The following ST6GALNAC5 variants were observed in gnomAD, a reference collection of about 807,000 sequenced individuals.
ST6GALNAC5 encodes the protein ST6 N-acetylgalactosaminide alpha-2,6-sialyltransferase 5.
Under a neutral mutation model 33.6 loss-of-function variants are expected in ST6GALNAC5, and 27 were observed. The ratio of observed to expected loss-of-function variants is 0.80; its 90% CI spans 0.59 to 1.11. The LOEUF is 1.11. Among genes scored for constraint, ST6GALNAC5 ranks in the 50% least tolerant of loss-of-function variants. The pLI, the probability that ST6GALNAC5 is intolerant of heterozygous loss-of-function variation, is 0.00. For synonymous variants in ST6GALNAC5, 194 were observed against 171.2 expected (o/e 1.13, Z -1.04); for missense variants, 428 against 454.0 (o/e 0.94, Z 0.52).
At chr1:76,880,529 G>A (rs998188624) in intron 2 of ST6GALNAC5, among the ~76,000 whole-genome samples, 1 of 152,264 alleles carries the variant, frequency 6.6e-6, no homozygotes, top group Non-Finnish European at 1.5e-5. Flanking sequence ...CTGTCCACAA[G>A]CTTGAGGAAC....
chr1:76,960,127 G>A (rs369808178), intron 2 of ST6GALNAC5, among the ~76,000 whole-genome samples: 1 of 152,048 alleles, frequency 6.6e-6, no homozygotes, highest in Non-Finnish European at 1.5e-5. Flanking sequence ...GCCAGATATC[G>A]GGTGAAATTC....
At chr1:76,932,232 G>A (rs1647150185) in intron 2 of ST6GALNAC5, among the ~76,000 whole-genome samples, 1 of 152,098 alleles carries the variant, frequency 6.6e-6, no homozygotes, top group Admixed American at 6.6e-5. Context: ...TTATCATATG[G>A]GAAAGGAAAA....
intron 2 of ST6GALNAC5, among the ~76,000 whole-genome samples, chr1:76,923,516 A>T (rs1169334207): frequency 1.3e-5 from 2 of 152,030 alleles, no homozygotes; most frequent in Non-Finnish European, 2.9e-5. Context: ...AACATGGTGA[A>T]ACCCCGTCTG....
At chr1:76,972,887 CTT>C (rs907708050) in intron 2 of ST6GALNAC5, among the ~76,000 whole-genome samples, 1 of 151,514 alleles carries the variant, frequency 6.6e-6, no homozygotes, top group Non-Finnish European at 1.5e-5. Flanking sequence ...TTCTGTGTAA[CTT>C]TTTTTTTGTA....
At chr1:76,983,740 A>T (rs1557747956) in intron 2 of ST6GALNAC5, among the ~76,000 whole-genome samples, 1 of 152,216 alleles carries the variant, frequency 6.6e-6, no homozygotes, top group Non-Finnish European at 1.5e-5. Flanking sequence ...ACTTATTCCA[A>T]AATTGACCAC....
intron 2 of ST6GALNAC5, among the ~76,000 whole-genome samples, chr1:76,969,759 G>A (rs1340565325): frequency 3.3e-5 from 5 of 152,122 alleles, no homozygotes; most frequent in Non-Finnish European, 7.3e-5. Flanking sequence ...GCCTAACTGG[G>A]AGAGACCTCC....
At chr1:76,897,750 G>A (rs988779943) in intron 2 of ST6GALNAC5, among the ~76,000 whole-genome samples, 3 of 152,020 alleles carry the variant, frequency 2.0e-5, no homozygotes, top group South Asian at 2.1e-4. Flanking sequence ...GCCTAATAAG[G>A]GAACTGGGCA....
intron 2 of ST6GALNAC5, among the ~76,000 whole-genome samples, chr1:77,000,929 G>A (rs1650132537): frequency 6.6e-6 from 1 of 151,754 alleles, no homozygotes; most frequent in African/African-American, 2.4e-5. Flanking sequence ...GTAGCGTGAT[G>A]CCTCCAGCTT....
At chr1:76,871,669 G>A (rs1463018908) in intron 2 of ST6GALNAC5, among the ~76,000 whole-genome samples, 2 of 152,158 alleles carry the variant, frequency 1.3e-5, no homozygotes, top group Admixed American at 6.5e-5. Context: ...AGTCAGTGAT[G>A]AGCGGCATGT....
intron 2 of ST6GALNAC5, among the ~76,000 whole-genome samples, chr1:77,028,394 A>T (rs1315072943): frequency 1.3e-5 from 2 of 152,140 alleles, no homozygotes; most frequent in East Asian, 3.9e-4. Flanking sequence ...ACATCAAAAG[A>T]CCTCACTGTA....
intron 2 of ST6GALNAC5, among the ~76,000 whole-genome samples, chr1:76,977,174 G>A (rs1367104079): frequency 1.3e-5 from 2 of 151,932 alleles, no homozygotes; most frequent in Admixed American, 1.3e-4. Context: ...TTACTAATAA[G>A]TTTTTTATTT....
chr1:76,993,592 G>A (rs1006013066), intron 2 of ST6GALNAC5, among the ~76,000 whole-genome samples: 3 of 152,156 alleles, frequency 2.0e-5, no homozygotes, highest in Non-Finnish European at 2.9e-5. Flanking sequence ...AATAATGACT[G>A]TAACTACTTA....
intron 3 of ST6GALNAC5, among the ~76,000 whole-genome samples, chr1:77,047,056 G>A (rs949198555): frequency 1.3e-5 from 2 of 152,164 alleles, no homozygotes; most frequent in African/African-American, 2.4e-5. Flanking sequence ...TGGCTGGTAC[G>A]GAGGGAGCCA....
At chr1:76,906,560 A>C (rs943163071) in intron 2 of ST6GALNAC5, among the ~76,000 whole-genome samples, 4 of 152,204 alleles carry the variant, frequency 2.6e-5, no homozygotes, top group Non-Finnish European at 5.9e-5. Context: ...TATCATTATT[A>C]AATAGTACTC....
intron 2 of ST6GALNAC5, among the ~76,000 whole-genome samples, chr1:76,944,178 G>A (rs1647430781): frequency 6.6e-6 from 1 of 152,110 alleles, no homozygotes; most frequent in Admixed American, 6.5e-5. Flanking sequence ...AGAGGAAAAT[G>A]TGTCTTGGTT....
intron 2 of ST6GALNAC5, among the ~76,000 whole-genome samples, chr1:77,008,024 T>G (rs993877006): frequency 6.6e-6 from 1 of 152,228 alleles, no homozygotes; most frequent in Non-Finnish European, 1.5e-5. Flanking sequence ...TTATTATGTG[T>G]GTTTAATCCT....
chr1:76,874,939 A>G (rs1653601724), intron 2 of ST6GALNAC5, among the ~76,000 whole-genome samples: 1 of 152,242 alleles, frequency 6.6e-6, no homozygotes, highest in Non-Finnish European at 1.5e-5. Context: ...ACTATCCTTC[A>G]TACAACTGGA....
intron 3 of ST6GALNAC5, 40 bp downstream of exon 3, chr1:77,044,653 G>T: frequency 6.6e-7 from 1 of 1,513,824 alleles, no homozygotes; most frequent in Non-Finnish European, 8.8e-7. Context: ...GGAGGGTGAG[G>T]ATAAGTCATC....
chr1:76,998,733 C>T (rs772219249), intron 2 of ST6GALNAC5, among the ~76,000 whole-genome samples: 2 of 152,056 alleles, frequency 1.3e-5, no homozygotes, highest in Non-Finnish European at 2.9e-5. Flanking sequence ...ATCAAAAATC[C>T]AGAGGCATTA....
Sources: gnomAD v4.1 joint callset for allele counts (sites outside exome capture counted in the v4.1 genomes callset) on GRCh38, gnomAD v4.1.1 for gene constraint, MANE v1.5 for transcripts, NCBI Gene and HGNC (gene_info 2026-07-23, HGNC 2026-07-21) for gene names.